The following SLC36A1 variants were observed in gnomAD, a reference collection of about 807,000 sequenced individuals.
SLC36A1 encodes proton-coupled amino acid transporter 1.
In SLC36A1, 30 loss-of-function variants were observed where a neutral mutation model predicts 47.5. The ratio of observed to expected loss-of-function variants is 0.63; its 90% CI spans 0.47 to 0.86. SLC36A1 has a LOEUF of 0.86. Among genes scored for constraint, SLC36A1 ranks in the 40% least tolerant of loss-of-function variants. SLC36A1 has a pLI of 0.00. For synonymous variants in SLC36A1, 255 were observed against 249.7 expected, an observed-to-expected ratio of 1.02 and a Z score of -0.20; for missense variants, 517 against 606.0, an observed-to-expected ratio of 0.85 and a Z score of 1.54.
At chr5:151,365,998 A>AT in the SLC36A1 span, among the ~76,000 whole-genome samples, 2 of 152,228 alleles carry the variant, frequency 1.3e-5, no homozygotes, top group Admixed American at 6.5e-5. Context: ...GGTCCTGTTC[A>AT]TGCCTCTTCT....
the SLC36A1 span, chr5:151,521,310 C>T: frequency 1.6e-5 from 26 of 1,611,846 alleles, no homozygotes; most frequent in East Asian, 1.8e-4. Flanking sequence ...GGTGGTGCCG[C>T]GGGGTTAGGA....
At chr5:151,444,058 G>A (rs916688397), upstream of SLC36A1, among the ~76,000 whole-genome samples, 4 of 152,088 alleles carry the variant, frequency 2.6e-5, no homozygotes, top group Admixed American at 1.3e-4. Context: ...TATACTGTTT[G>A]GATTACTATA....
At chr5:151,533,582 A>G in the SLC36A1 span, among the ~76,000 whole-genome samples, 3 of 152,130 alleles carry the variant, frequency 2.0e-5, no homozygotes, top group African/African-American at 7.2e-5. Flanking sequence ...GCTGGTGTCA[A>G]ACAGAGCAGG....
At chr5:151,357,210 C>T in the SLC36A1 span, among the ~76,000 whole-genome samples, 1 of 152,186 alleles carries the variant, frequency 6.6e-6, no homozygotes, top group African/African-American at 2.4e-5. Context: ...GGATCACAGC[C>T]GGAACCTCAC....
the SLC36A1 span, chr5:151,545,802 G>A: frequency 1.2e-6 from 2 of 1,614,220 alleles, no homozygotes; most frequent in South Asian, 2.2e-5. Flanking sequence ...CCATGATCAT[G>A]CTATACAGTG....
At position 151,479,972 on chromosome 5, in the gene SLC36A1, A is replaced by G. The variant is rs535871864; in HGVS notation, c.1159+483A>G. On this transcript the variant is annotated intron_variant, in intron 10 of 10. Coordinates refer to ENST00000243389, the MANE Select transcript of SLC36A1 (RefSeq NM_078483.4). ...TTTTTTAATGTCAGTCTTACTAAAT[A>G]TGTTTCAGAAAATTTCTATTGATTA... The G allele has an allele frequency of 1.4e-4, 98 of 687,806 alleles. 2 individuals carry two copies. The Admixed American group carries it at 3.0e-3, about 21-fold the overall frequency. The allele number at this position is 687,806 out of a possible 1,614,324, so 42.6% of individuals were successfully genotyped here.
chr5:151,531,386 G>A, the SLC36A1 span, among the ~76,000 whole-genome samples: 6 of 152,134 alleles, frequency 3.9e-5, no homozygotes, highest in Non-Finnish European at 8.8e-5. This position sits in a 1 kb window ranked among gnomAD's most constrained non-coding sequence, Gnocchi z 5.7. Context: ...TCCCGTTTAA[G>A]GGAGGCTCCC....
chr5:151,526,311 C>T, the SLC36A1 span, among the ~76,000 whole-genome samples: 3 of 152,168 alleles, frequency 2.0e-5, no homozygotes, highest in Non-Finnish European at 4.4e-5. Flanking sequence ...TAGTTATTAC[C>T]TGGATTACAT....
At chr5:151,538,074 G>A in the SLC36A1 span, 1 of 698,084 alleles carries the variant, frequency 1.4e-6, no homozygotes, top group Non-Finnish European at 2.3e-6. Context: ...GACGAAGAGA[G>A]ACAGAAAAAA....
chr5:151,436,365 A>G (rs949600278), upstream of SLC36A1, among the ~76,000 whole-genome samples: 1 of 152,092 alleles, frequency 6.6e-6, no homozygotes, highest in Non-Finnish European at 1.5e-5. Context: ...TCTAGCCTCT[A>G]CAGTACTGAA....
At chr5:151,474,203 G>A (rs2127518971) in intron 8 of SLC36A1, among the ~76,000 whole-genome samples, 1 of 146,004 alleles carries the variant, frequency 6.8e-6, no homozygotes, top group South Asian at 2.2e-4. Flanking sequence ...GTAACTCACT[G>A]GTCAGTTAGT....
rs756043156 is a variant in SLC36A1 at position 151,473,740 on chromosome 5, C to T, written c.791C>T (p.Thr264Ile). The change falls in exon 8 of 11, where the codon ACA becomes ATA. Residue 264 changes from threonine (T) to isoleucine (I), a missense_variant. Coordinates refer to ENST00000243389, the MANE Select transcript of SLC36A1 (RefSeq NM_078483.4). ...PWKTYPLFFG[T>I]AIFSFEGIGM... The stretch of plus-strand genomic sequence containing the variant: ...AAGACCTACCCTCTCTTCTTTGGCA[C>T]AGCGATTTTTTCATTTGAAGGCATT... 1 of 1,613,934 alleles carries T rather than the reference C, an allele frequency of 6.2e-7. No homozygotes were observed. Among genetic ancestry groups the T allele is most frequent in the Non-Finnish European group, 8.5e-7 (1 of 1,179,942 alleles).
chr5:151,518,413 T>G, the SLC36A1 span, among the ~76,000 whole-genome samples: 1 of 150,252 alleles, frequency 6.7e-6, no homozygotes, highest in Admixed American at 6.6e-5. Flanking sequence ...AGAAATGTAA[T>G]GAATCAAGTG....
At chr5:151,466,226 T>C (rs1756353872) in intron 5 of SLC36A1, among the ~76,000 whole-genome samples, 1 of 152,196 alleles carries the variant, frequency 6.6e-6, no homozygotes, top group East Asian at 1.9e-4. Flanking sequence ...AAATGTGTGC[T>C]ATTTTAATGC....
chr5:151,550,921 G>A, the SLC36A1 span: 3 of 1,578,858 alleles, frequency 1.9e-6, no homozygotes, highest in Non-Finnish European at 2.6e-6. Flanking sequence ...CAGGGGAACA[G>A]GGACTGGGTC....
the SLC36A1 span, among the ~76,000 whole-genome samples, chr5:151,393,596 TG>T: frequency 6.6e-6 from 1 of 152,222 alleles, no homozygotes; most frequent in Non-Finnish European, 1.5e-5. Flanking sequence ...AGGGCAGGCC[TG>T]GTGATGACTA....
the SLC36A1 span, among the ~76,000 whole-genome samples, chr5:151,429,166 C>T: frequency 1.2e-4 from 18 of 152,126 alleles, no homozygotes; most frequent in Admixed American, 1.3e-4. Context: ...TTCTTCTCAG[C>T]ATTTTACCTA....
the SLC36A1 span, among the ~76,000 whole-genome samples, chr5:151,395,709 C>A: frequency 6.6e-6 from 1 of 152,144 alleles, no homozygotes; most frequent in Non-Finnish European, 1.5e-5. Flanking sequence ...GTCTTCAAGA[C>A]ATAATGGTAG....
chr5:151,522,168 G>A, the SLC36A1 span: 1 of 1,169,616 alleles, frequency 8.5e-7, no homozygotes, highest in Non-Finnish European at 1.2e-6. Flanking sequence ...TCCTTGTGGA[G>A]CTACGTTTCT....
Sources: gnomAD v4.1 joint callset for allele counts (sites outside exome capture counted in the v4.1 genomes callset) on GRCh38, gnomAD v4.1.1 for gene constraint, Gnocchi (gnomAD v3.1) non-coding constraint, MANE v1.5 for transcripts, NCBI Gene and HGNC (gene_info 2026-07-23, HGNC 2026-07-21) for gene names.